The following LMBR1 variants were observed in gnomAD, a reference collection of about 807,000 sequenced individuals.
The protein encoded by LMBR1 is limb region 1 protein homolog.
In LMBR1, 52 loss-of-function variants were observed where a neutral mutation model predicts 73.9. That is an observed-to-expected ratio of 0.70 (90% CI 0.56 to 0.89). The LOEUF (loss-of-function observed/expected upper bound fraction) is 0.89, where lower values mean the gene tolerates loss of function less well. LMBR1 is among the 40% of genes least tolerant of loss of function. The pLI is 0.00. For missense variants in LMBR1, 539 were observed against 579.8 expected (o/e 0.93, Z 0.72); for synonymous variants, 215 against 209.4 (o/e 1.03, Z -0.23).
chr7:156,796,403 C>G lies in LMBR1; in HGVS notation c.409G>C (p.Ala137Pro), dbSNP rs1370035308. Residue 137 changes from alanine (A) to proline (P), a missense_variant, in exon 5 of 17, where the codon GCT becomes CCT. By Grantham distance (27) the Ala-to-Pro change is conservative (BLOSUM62 -1). This residue lies in a region of LMBR1 where 454 missense variants were observed against 473.4 expected (regional missense o/e 0.96). Transcript: ENST00000353442. ...AFFFLESEGF[A>P]GLKKGIRARI... ...GATTCACTTACCTTTTTCAGGCCAG[C>G]AAAGCCTTCTGATTCCAGAAAGAAA... 1.2e-6 allele frequency: 2 copies of G among 1,600,840 alleles called. No homozygotes were observed. The highest frequency in any genetic ancestry group is 1.7e-6 in the Non-Finnish European group (2 of 1,174,856).
intron 4 of LMBR1, chr7:156,823,605 A>T (rs1271320923): frequency 6.6e-6 from 1 of 152,216 alleles, no homozygotes; most frequent in African/African-American, 2.4e-5. Flanking sequence ...GCAGGTAGCA[A>T]GTCACTGGAG....
intron 5 of LMBR1, among the ~76,000 whole-genome samples, chr7:156,795,012 G>A (rs1479276869): frequency 6.6e-6 from 1 of 152,178 alleles, no homozygotes; most frequent in Non-Finnish European, 1.5e-5. Context: ...ATGACCAGAT[G>A]GAGGACTCCA....
intron 4 of LMBR1, among the ~76,000 whole-genome samples, chr7:156,801,129 T>C (rs547829574): frequency 6.6e-6 from 1 of 152,316 alleles, no homozygotes; most frequent in African/African-American, 2.4e-5. Flanking sequence ...TGAAAGAACT[T>C]CTACTGTGAG....
chr7:156,823,260 A>G (rs912327070), intron 4 of LMBR1: 2 of 151,930 alleles, frequency 1.3e-5, no homozygotes, highest in Non-Finnish European at 2.9e-5. Flanking sequence ...ACTACCTTCT[A>G]CCCATGAAAA....
In LMBR1 at chr7:156,775,207, A is replaced by C. The variant is rs1194775320; in HGVS notation, c.424-11412T>G. ...ACATGGAGAAACCCCATCTCTACGG[A>C]AAATTCAAAAATTAGCTGGGTGTGG... On this transcript the variant is annotated intron_variant, in intron 5 of 16. Coordinates refer to ENST00000353442, the MANE Select transcript of LMBR1 (RefSeq NM_022458.4). 3.3e-5 allele frequency among the ~76,000 whole-genome samples: 5 copies of C among 152,154 alleles called. No individual in the cohort carries two copies. In the East Asian group the frequency reaches 5.8e-4, roughly 18 times the overall value.
intron 5 of LMBR1, among the ~76,000 whole-genome samples, chr7:156,775,407 T>G (rs1825944273): frequency 6.6e-6 from 1 of 152,028 alleles, no homozygotes; most frequent in South Asian, 2.1e-4. Flanking sequence ...CTAAATAATT[T>G]TACCAAATAT....
At chr7:156,859,303 A>G (rs1045172654) in intron 1 of LMBR1, among the ~76,000 whole-genome samples, 2 of 152,088 alleles carry the variant, frequency 1.3e-5, no homozygotes, top group African/African-American at 2.4e-5. Context: ...CAAGGCAAAG[A>G]TATCTCCTCT....
chr7:156,831,760 T>C (rs1489551035), intron 3 of LMBR1, among the ~76,000 whole-genome samples: 2 of 152,232 alleles, frequency 1.3e-5, no homozygotes, highest in African/African-American at 4.8e-5. Flanking sequence ...TGTCATTCAA[T>C]GTACTTTTAG....
intron 8 of LMBR1, among the ~76,000 whole-genome samples, chr7:156,758,225 C>G (rs1822271963): frequency 6.6e-6 from 1 of 152,190 alleles, no homozygotes. Context: ...TGTCTGGGAC[C>G]AGGTCCTTGG....
intron 4 of LMBR1, among the ~76,000 whole-genome samples, chr7:156,672,393 C>T (rs554353083): frequency 6.6e-6 from 1 of 152,212 alleles, no homozygotes; most frequent in Non-Finnish European, 1.5e-5. Flanking sequence ...GACCTGTATG[C>T]CACAGTGACT....
At position 156,681,802 on chromosome 7, in the gene LMBR1, G is replaced by A. The variant is rs573456996; in HGVS notation, c.*2276C>T. The A allele has an allele frequency of 3.9e-5, 6 of 152,390 alleles. No individual in the cohort carries two copies. In the South Asian group the frequency reaches 1.0e-3, roughly 26 times the overall value. The allele number at this position is 152,390 out of a possible 1,614,324, so 9.4% of individuals were successfully genotyped here. A position where few individuals can be genotyped will look rare whatever the true frequency, so the allele number is the denominator to read the frequency against. ...TGGCGTGCAGGAACTGCAGTAAAAT[G>A]AGGACCCCCAGAGCGACTGTCCTTA... On this transcript the variant is annotated 3_prime_UTR_variant, in exon 17 of 17. Transcript: ENST00000353442.
chr7:156,753,041 G>A lies in LMBR1; in HGVS notation c.757+3352C>T, dbSNP rs548654209. Among the ~76,000 whole-genome samples the A allele has an allele frequency of 2.7e-4, 41 of 152,304 alleles. No homozygotes were observed. In the South Asian group the frequency reaches 7.9e-3, roughly 29 times the overall value. On this transcript the variant is annotated intron_variant, in intron 9 of 16. Coordinates refer to ENST00000353442, the MANE Select transcript of LMBR1 (RefSeq NM_022458.4). ...TACTGAGGAATTGTAGGAAATGGGA[G>A]TGCTAGAAGAAGTGAACTGGAAAAA...
chr7:156,804,287 C>T (rs1425573706), intron 4 of LMBR1, among the ~76,000 whole-genome samples: 1 of 152,182 alleles, frequency 6.6e-6, no homozygotes, highest in East Asian at 1.9e-4. Flanking sequence ...TGGACTGCAT[C>T]CATTCACCTG....
chr7:156,864,982 C>T (rs1234037878), intron 1 of LMBR1, among the ~76,000 whole-genome samples: 1 of 139,138 alleles, frequency 7.2e-6, no homozygotes, highest in Non-Finnish European at 1.5e-5. Flanking sequence ...GGTGACAGCG[C>T]GAGACTCTGT....
At chr7:156,684,205 T>A (rs376522061) in intron 16 of LMBR1, 42 bp from the exon 17 acceptor site, 6 of 1,473,896 alleles carry the variant, frequency 4.1e-6, no homozygotes, top group Non-Finnish European at 5.7e-6. Flanking sequence ...GATATATTGC[T>A]GAGTGGCTGG....
In LMBR1 at chr7:156,807,626, T is replaced by C. The variant is rs531224642; in HGVS notation, c.320-11134A>G. On this transcript the variant is annotated intron_variant, in intron 4 of 16. Transcript: ENST00000353442. Reference sequence around the variant, plus strand: ...TTCAGTGTTCTTCTTGGTGATTTCCTGTTTTCTATTTCATTGATTTCCTCT... The same window carrying C: ...TTCAGTGTTCTTCTTGGTGATTTCCCGTTTTCTATTTCATTGATTTCCTCT... 2.6e-5 allele frequency among the ~76,000 whole-genome samples: 4 copies of C among 152,344 alleles called. No individual in the cohort carries two copies. The East Asian group carries it at 7.7e-4, about 29-fold the overall frequency.
Position 156,701,403 on chromosome 7 carries a change from G to A in LMBR1, c.1226-13212C>T, listed in dbSNP as rs1265620496. Among the ~76,000 whole-genome samples, 3 of 152,306 alleles carry A rather than the reference G, an allele frequency of 2.0e-5. No individual in the cohort carries two copies. The East Asian group carries it at 5.8e-4, about 29-fold the overall frequency. ...TATTCATACATACATCATCACAGATGCATCTTAAATATGATGAGTAGAAGA... is the reference window on the plus strand; with the variant it reads ...TATTCATACATACATCATCACAGATACATCTTAAATATGATGAGTAGAAGA... On this transcript the variant is annotated intron_variant, in intron 15 of 16. Transcript: ENST00000353442.
intron 1 of LMBR1, among the ~76,000 whole-genome samples, chr7:156,845,005 G>A (rs1839367023): frequency 6.6e-6 from 1 of 152,130 alleles, no homozygotes; most frequent in South Asian, 2.1e-4. Flanking sequence ...TTCATTTAAG[G>A]CCTATCGGCT....
intron 9 of LMBR1, among the ~76,000 whole-genome samples, chr7:156,751,581 C>A (rs950552964): frequency 1.4e-4 from 21 of 152,188 alleles, no homozygotes; most frequent in Admixed American, 1.4e-3. Context: ...AAGACAGATA[C>A]GCACGGAAGC....
Sources: allele counts gnomAD v4.1 joint callset (sites outside exome capture counted in the v4.1 genomes callset), GRCh38; gene constraint gnomAD v4.1.1; regional missense constraint gnomAD v4.1.1; transcripts MANE v1.5; gene names NCBI Gene and HGNC (gene_info 2026-07-23, HGNC 2026-07-21).